MORN1: variants seen among roughly 807,000 people sequenced by gnomAD.
MORN1 encodes the protein MORN repeat-containing protein 1.
Under a neutral mutation model 61.9 loss-of-function variants are expected in MORN1, and 67 were observed. The ratio of observed to expected loss-of-function variants is 1.08; its 90% CI spans 0.89 to 1.33. MORN1 has a LOEUF of 1.33. Ranked by LOEUF, MORN1 falls within the 40% of genes most tolerant of loss-of-function variation. The probability of loss-of-function intolerance (pLI) is 0.00; values close to 1 mark genes in which losing one functional copy is unlikely to be tolerated. For synonymous variants in MORN1, 301 were observed against 292.0 expected (o/e 1.03, Z -0.31); for missense variants, 752 against 691.2 (o/e 1.09, Z -0.99).
intron 10 of MORN1, among the ~76,000 whole-genome samples, chr1:2,344,903 G>A (rs1465133243): frequency 6.6e-6 from 1 of 152,222 alleles, no homozygotes; most frequent in Non-Finnish European, 1.5e-5. Context: ...GGCACAAAGC[G>A]AGAGCATCAA....
intron 13 of MORN1, chr1:2,322,471 C>T (rs1167060959): frequency 1.2e-5 from 12 of 985,328 alleles, no homozygotes; most frequent in Non-Finnish European, 2.4e-6. Flanking sequence ...GCCACGGGCT[C>T]GGCCGCCTGT....
At chr1:2,388,180 C>A (rs1451530796) in intron 3 of MORN1, 59 bp downstream of exon 3, 2 of 1,381,392 alleles carry the variant, frequency 1.4e-6, no homozygotes, top group Non-Finnish European at 2.0e-6. Context: ...CTCGGCGGAC[C>A]AACTGAGCCC....
intron 10 of MORN1, among the ~76,000 whole-genome samples, chr1:2,340,093 G>A (rs191145918): frequency 1.3e-5 from 2 of 152,260 alleles, no homozygotes; most frequent in South Asian, 2.1e-4. Flanking sequence ...CGGTGTCATC[G>A]GCTACAGATG....
At chr1:2,378,876 C>T in intron 6 of MORN1, 1 of 453,330 alleles carries the variant, frequency 2.2e-6, no homozygotes, top group Non-Finnish European at 4.4e-6. Context: ...GGCCCAGGAC[C>T]TCTGTGGCTT....
chr1:2,348,771 A>G lies in MORN1; in HGVS notation c.1036+8661T>C, dbSNP rs1316690523. Among the ~76,000 whole-genome samples, 490 of 131,938 alleles carry G rather than the reference A, an allele frequency of 3.7e-3. 1 individual carries two copies. Among genetic ancestry groups the G allele is most frequent in the Middle Eastern group, 0.012 (3 of 250 alleles). The allele number at this position is 131,938 out of a possible 152,430, so 86.6% of individuals were successfully genotyped here. ...CACGCACACACACGCACACCTGCGCAGGCACGCACACACACGCACGCACAC... is the reference window on the plus strand; with the variant it reads ...CACGCACACACACGCACACCTGCGCGGGCACGCACACACACGCACGCACAC... On this transcript the variant is annotated intron_variant, in intron 10 of 13. Transcript: ENST00000378531.
At chr1:2,387,788 C>T (rs1014057808) in intron 3 of MORN1, 15 of 509,246 alleles carry the variant, frequency 2.9e-5, no homozygotes, top group East Asian at 2.9e-4. Context: ...ACCCTCTGGT[C>T]GGTTTGCAGG....
chr1:2,384,719 G>A (rs1025117971), intron 6 of MORN1, among the ~76,000 whole-genome samples: 2 of 152,212 alleles, frequency 1.3e-5, no homozygotes, highest in Non-Finnish European at 2.9e-5. Context: ...AGTGAGAGCC[G>A]CCTGTGAGCT....
At chr1:2,390,557 C>G (rs1642625118) in intron 1 of MORN1, 1 of 985,282 alleles carries the variant, frequency 1.0e-6, no homozygotes, top group Non-Finnish European at 1.2e-6. Context: ...GGGCTCCCTC[C>G]CTACCAGCTC....
chr1:2,378,789 G>A, intron 6 of MORN1: 2 of 382,730 alleles, frequency 5.2e-6, no homozygotes, highest in South Asian at 3.8e-5. Flanking sequence ...GTCCTGGGAG[G>A]TCGAGCAGTA....
intron 8 of MORN1, among the ~76,000 whole-genome samples, chr1:2,367,103 GCACA>G (rs1471671714): frequency 6.6e-6 from 1 of 151,998 alleles, no homozygotes; most frequent in Admixed American, 6.6e-5. Flanking sequence ...CTTCTCAAGT[GCACA>G]CAAACTCTTC....
intron 10 of MORN1, chr1:2,352,341 G>A (rs1413280969): frequency 1.9e-5 from 3 of 160,358 alleles, no homozygotes; most frequent in African/African-American, 7.2e-5. Context: ...ATAGGCAACA[G>A]GAACTGGGGT....
chr1:2,345,196 G>A (rs1460477686), intron 10 of MORN1, among the ~76,000 whole-genome samples: 2 of 152,224 alleles, frequency 1.3e-5, no homozygotes, highest in African/African-American at 2.4e-5. Flanking sequence ...ACATGTGCCC[G>A]CACCCTCGCA....
chr1:2,336,983 TGGG>T, intron 10 of MORN1, 133 bp from the exon 11 acceptor site: 2 of 1,077,630 alleles, frequency 1.9e-6, no homozygotes, highest in South Asian at 5.4e-5. Context: ...GCCATCTTGG[TGGG>T]GGCAGGTCAG....
Position 2,372,455 on chromosome 1 carries a change from G to A in MORN1, c.745+26C>T. ...GCCTGTTTCTCTTTTGGAAACGTTA[G>A]GTCATCTCCCCCTGGAGATGCTTAC... On this transcript the variant is annotated intron_variant, in intron 8 of 13. Coordinates refer to ENST00000378531, the MANE Select transcript of MORN1 (RefSeq NM_024848.3). The surrounding 1 kb of genome is among the most constrained non-coding windows in gnomAD (Gnocchi z 5.4). 1 of 1,550,050 alleles carries A rather than the reference G, an allele frequency of 6.5e-7. No homozygotes were observed. The highest frequency in any genetic ancestry group is 1.1e-5 in the South Asian group (1 of 88,912).
intron 10 of MORN1, among the ~76,000 whole-genome samples, chr1:2,338,720 A>G (rs61762091): frequency 0.046 from 7,051 of 152,238 alleles, 236 homozygotes; most frequent in South Asian, 0.08. Flanking sequence ...ATATATCCAC[A>G]TGGAGCCTGG....
chr1:2,350,902 C>T (rs1198558658), intron 10 of MORN1: 1 of 152,426 alleles, frequency 6.6e-6, no homozygotes, highest in Non-Finnish European at 1.5e-5. Flanking sequence ...TCAGGTCTGA[C>T]TCATGTCCGT....
At position 2,372,486 on chromosome 1, in the gene MORN1, G is replaced by GAAACGTTAGGT; in HGVS notation, c.739_740insACCTAACGTTT (p.Ala247AspfsTer190). 1 of 1,612,210 alleles carries GAAACGTTAGGT rather than the reference G, an allele frequency of 6.2e-7. No homozygotes were observed. The highest frequency in any genetic ancestry group is 1.7e-5 in the Admixed American group (1 of 59,544). ...CTCCCCCTGGAGATGCTTACTCTTG[G>GAAACGTTAGGT]CAATTTCCCCGTGGTCCTGCAGCAG... On this transcript the variant is annotated frameshift_variant, in exon 8 of 14. Transcript: ENST00000378531. LOFTEE classifies it high-confidence loss of function. The surrounding 1 kb of genome is among the most constrained non-coding windows in gnomAD (Gnocchi z 5.4).
chr1:2,329,460 G>T (rs1194331087), intron 12 of MORN1, among the ~76,000 whole-genome samples: 1 of 152,190 alleles, frequency 6.6e-6, no homozygotes, highest in African/African-American at 2.4e-5. Context: ...CCCTGCAGCC[G>T]ATCCCATTGT....
intron 12 of MORN1, among the ~76,000 whole-genome samples, chr1:2,327,200 A>T (rs1641048475): frequency 6.6e-6 from 1 of 150,950 alleles, no homozygotes; most frequent in African/African-American, 2.4e-5. Flanking sequence ...AGACACAGAA[A>T]CACACAGAAA....
Sources: gnomAD v4.1 joint callset for allele counts (sites outside exome capture counted in the v4.1 genomes callset) on GRCh38, gnomAD v4.1.1 for gene constraint, Gnocchi (gnomAD v3.1) non-coding constraint, MANE v1.5 for transcripts, NCBI Gene and HGNC (gene_info 2026-07-23, HGNC 2026-07-21) for gene names.